Variants in DLGAP2 observed in about 807,000 individuals in gnomAD.
DLGAP2 encodes DLG associated protein 2.
Under a neutral mutation model 100.3 loss-of-function variants are expected in DLGAP2, and 26 were observed. That is an observed-to-expected ratio of 0.26 (90% CI 0.19 to 0.36). DLGAP2 has a LOEUF of 0.36. Ranked by LOEUF, DLGAP2 falls within the 10% of genes least tolerant of loss-of-function variation. The probability of loss-of-function intolerance (pLI) is 1.00; values close to 1 mark genes in which losing one functional copy is unlikely to be tolerated. For missense variants in DLGAP2, 1,858 were observed against 1,453.2 expected, an observed-to-expected ratio of 1.28 and a Z score of -4.53; for synonymous variants, 886 against 630.1, an observed-to-expected ratio of 1.41 and a Z score of -6.08.
At chr8:905,582 G>A (rs935416144) in intron 1 of DLGAP2, among the ~76,000 whole-genome samples, 1 of 152,176 alleles carries the variant, frequency 6.6e-6, no homozygotes, top group African/African-American at 2.4e-5. Flanking sequence ...GTTCTGTGGA[G>A]TGAGGGCCCT....
At chr8:960,672 T>C (rs536933811) in intron 2 of DLGAP2, among the ~76,000 whole-genome samples, 1 of 152,364 alleles carries the variant, frequency 6.6e-6, no homozygotes, top group South Asian at 2.1e-4. Flanking sequence ...ATCTGATAGA[T>C]ACTGGAAATT....
intron 3 of DLGAP2, among the ~76,000 whole-genome samples, chr8:1,337,189 G>A (rs1269423279): frequency 2.4e-5 from 3 of 122,762 alleles, no homozygotes; most frequent in Middle Eastern, 3.7e-3. Flanking sequence ...TGGTGGTGGT[G>A]AGAATGATGG....
At chr8:878,442 G>A (rs975630785) in intron 1 of DLGAP2, among the ~76,000 whole-genome samples, 3 of 152,180 alleles carry the variant, frequency 2.0e-5, no homozygotes, top group Non-Finnish European at 2.9e-5. Flanking sequence ...GTCAGAGGAC[G>A]ATAAGTAGAG....
At chr8:1,194,053 G>C (rs889568765) in intron 2 of DLGAP2, among the ~76,000 whole-genome samples, 12 of 152,260 alleles carry the variant, frequency 7.9e-5, no homozygotes, top group African/African-American at 2.4e-4. Context: ...TGACATTCAA[G>C]TCAACGTGAC....
chr8:802,482 G>T (rs903158072), intron 1 of DLGAP2, among the ~76,000 whole-genome samples: 2 of 152,122 alleles, frequency 1.3e-5, no homozygotes, highest in African/African-American at 4.8e-5. Context: ...TGTCCTTGCT[G>T]CTGCTTCTCA....
intron 4 of DLGAP2, among the ~76,000 whole-genome samples, chr8:1,502,152 T>C (rs982729371): frequency 6.6e-6 from 1 of 152,250 alleles, no homozygotes; most frequent in African/African-American, 2.4e-5. Context: ...GTGGTTATTC[T>C]CTAACCTAAA....
Position 1,612,455 on chromosome 8 carries a change from C to A in DLGAP2, c.1443-14285C>A, listed in dbSNP as rs1011383949. Among the ~76,000 whole-genome samples, 171 of 142,894 alleles carry A rather than the reference C, an allele frequency of 1.2e-3. 1 individual carries two copies. The highest frequency in any genetic ancestry group is 4.1e-3 in the African/African-American group (158 of 38,190). 93.7% of individuals were successfully genotyped at this position (142,894 alleles called of 152,430 possible). On this transcript the variant is annotated intron_variant, in intron 6 of 14. Transcript: ENST00000637795. ...TAAAAACCCTAGAAGAAAACCTAGG[C>A]ATTACCATTCAGGACATAGGCATGG...
intron 3 of DLGAP2, among the ~76,000 whole-genome samples, chr8:1,444,112 G>A (rs1455589892): frequency 1.3e-5 from 2 of 151,908 alleles, no homozygotes; most frequent in Non-Finnish European, 2.9e-5. Flanking sequence ...AGTGCTTTTT[G>A]TCTCTCTCCG....
intron 4 of DLGAP2, among the ~76,000 whole-genome samples, chr8:1,510,109 A>G (rs1418422825): frequency 2.0e-5 from 3 of 152,256 alleles, no homozygotes; most frequent in Non-Finnish European, 4.4e-5. Context: ...TTGCCCCTTT[A>G]ACTGCCTGTA....
chr8:1,099,024 C>T lies in DLGAP2; in HGVS notation c.74-159827C>T, dbSNP rs201824314. 4.6e-5 allele frequency among the ~76,000 whole-genome samples: 7 copies of T among 152,306 alleles called. No homozygotes were observed. The East Asian group carries it at 1.4e-3, about 29-fold the overall frequency. ...AAAAGGGTACATTTCATGGCTCACT[C>T]CTCTGGGGCTAGTGTGTATTTTAGA... On this transcript the variant is annotated intron_variant, in intron 2 of 14. Transcript: ENST00000637795.
At chr8:1,229,454 G>C (rs984290154) in intron 2 of DLGAP2, among the ~76,000 whole-genome samples, 2 of 152,104 alleles carry the variant, frequency 1.3e-5, no homozygotes, top group Non-Finnish European at 2.9e-5. Flanking sequence ...AATCTGGCAA[G>C]ATTATGTATT....
At chr8:1,484,510 T>C (rs73536548) in intron 3 of DLGAP2, among the ~76,000 whole-genome samples, 9,244 of 152,232 alleles carry the variant, frequency 0.061, 910 homozygotes, top group African/African-American at 0.21. Flanking sequence ...CCATGGTCTG[T>C]GATGTTTTGA....
intron 2 of DLGAP2, among the ~76,000 whole-genome samples, chr8:964,977 G>A (rs1216918093): frequency 6.6e-6 from 1 of 151,910 alleles, no homozygotes; most frequent in African/African-American, 2.4e-5. Flanking sequence ...ACCCCCGCGT[G>A]CACACGGCAC....
chr8:777,187 G>C (rs1250793440), intron 1 of DLGAP2, among the ~76,000 whole-genome samples: 1 of 151,432 alleles, frequency 6.6e-6, no homozygotes, highest in Non-Finnish European at 1.5e-5. Context: ...GCCTTTTTTT[G>C]TTTTCCATTT....
intron 2 of DLGAP2, among the ~76,000 whole-genome samples, chr8:1,122,306 C>G (rs1796067708): frequency 1.3e-5 from 2 of 152,150 alleles, no homozygotes; most frequent in Non-Finnish European, 2.9e-5. Flanking sequence ...GTTGGATCCT[C>G]TGGTCAGGAC....
chr8:1,631,522 G>A (rs1431618906), intron 7 of DLGAP2, among the ~76,000 whole-genome samples: 1 of 152,162 alleles, frequency 6.6e-6, no homozygotes, highest in African/African-American at 2.4e-5. Flanking sequence ...CCCTTTGCTG[G>A]GTTCCTGAGG....
chr8:1,038,763 T>C (rs1802205416), intron 2 of DLGAP2, among the ~76,000 whole-genome samples: 1 of 152,218 alleles, frequency 6.6e-6, no homozygotes. Context: ...AATTAATATG[T>C]GGTTGGGAGT....
intron 3 of DLGAP2, among the ~76,000 whole-genome samples, chr8:1,315,406 T>TTGGCAGCTTTTAAAAATAGAG (rs1800713713): frequency 7.1e-6 from 1 of 141,646 alleles, no homozygotes; most frequent in East Asian, 2.1e-4. Flanking sequence ...CTCGAGAAAC[T>TTGGCAGCTTTTAAAAATAGAG]CGGCAGCTTT....
At chr8:982,668 A>G (rs557168787) in intron 2 of DLGAP2, among the ~76,000 whole-genome samples, 8 of 152,312 alleles carry the variant, frequency 5.3e-5, no homozygotes, top group African/African-American at 1.9e-4. Flanking sequence ...CAATATGGAT[A>G]TGAGCAAATT....
Sources: allele counts gnomAD v4.1 joint callset (sites outside exome capture counted in the v4.1 genomes callset), GRCh38; gene constraint gnomAD v4.1.1; transcripts MANE v1.5; gene names NCBI Gene and HGNC (gene_info 2026-07-23, HGNC 2026-07-21).